The following CDH13 variants were observed in gnomAD, a reference collection of about 807,000 sequenced individuals.
CDH13 encodes the protein cadherin 13.
CDH13 carries 24 observed loss-of-function variants against 63.8 expected under a neutral mutation model. The ratio of observed to expected loss-of-function variants is 0.38; its 90% CI spans 0.27 to 0.53. CDH13 has a LOEUF of 0.53. CDH13 is among the 20% of genes least tolerant of loss of function. CDH13 has a pLI of 0.85. For missense variants in CDH13, 1,049 were observed against 903.1 expected (o/e 1.16, Z -2.07); for synonymous variants, 503 against 355.3 (o/e 1.42, Z -4.67).
In CDH13 at chr16:83,047,304, C is replaced by T. The variant is rs776185658; in HGVS notation, c.366+15086C>T. Among the ~76,000 whole-genome samples the T allele has an allele frequency of 9.9e-5, 15 of 152,132 alleles. No homozygotes were observed. Among genetic ancestry groups the T allele is most frequent in the African/African-American group, 3.4e-4 (14 of 41,416 alleles). The stretch of plus-strand genomic sequence containing the variant: ...GAATTTAAGTCATCTAATCAAAATG[C>T]ATTATTTCTGTCCTTGCATTGTCCA... On this transcript the variant is annotated intron_variant, in intron 3 of 13. Transcript: ENST00000567109. The surrounding 1 kb of genome is among the most constrained non-coding windows in gnomAD (Gnocchi z 4.9).
At chr16:82,877,246 T>C (rs779130972) in intron 2 of CDH13, among the ~76,000 whole-genome samples, 5 of 152,206 alleles carry the variant, frequency 3.3e-5, no homozygotes, top group Non-Finnish European at 7.3e-5. Flanking sequence ...TTTACTGAAA[T>C]AAGTCTGACA....
At chr16:82,848,878 G>T (rs2039371435) in intron 1 of CDH13, among the ~76,000 whole-genome samples, 1 of 152,178 alleles carries the variant, frequency 6.6e-6, no homozygotes, top group Non-Finnish European at 1.5e-5. Context: ...GCTGAGGTAG[G>T]CTGAAAGCTA....
chr16:82,898,729 G>A (rs987367900), intron 2 of CDH13, among the ~76,000 whole-genome samples: 1 of 152,142 alleles, frequency 6.6e-6, no homozygotes, highest in African/African-American at 2.4e-5. Flanking sequence ...GATGAAGCAG[G>A]GAATGGTCTT....
At chr16:83,506,537 A>G (rs1173286215) in intron 7 of CDH13, among the ~76,000 whole-genome samples, 1 of 152,182 alleles carries the variant, frequency 6.6e-6, no homozygotes, top group Non-Finnish European at 1.5e-5. Context: ...TCTTCCCTCA[A>G]AGATAATGCA....
At chr16:83,552,145 C>T (rs192028015) in intron 7 of CDH13, among the ~76,000 whole-genome samples, 1 of 152,286 alleles carries the variant, frequency 6.6e-6, no homozygotes, top group Admixed American at 6.5e-5. Context: ...GCCCTTTGTC[C>T]TCAGACAGTG....
chr16:82,637,373 G>T (rs1010423983), intron 1 of CDH13, among the ~76,000 whole-genome samples: 14 of 149,716 alleles, frequency 9.4e-5, no homozygotes, highest in Non-Finnish European at 1.8e-4. Context: ...CTGTATGCCA[G>T]GCACTCACCT....
At chr16:83,615,955 C>A (rs185316468) in intron 8 of CDH13, among the ~76,000 whole-genome samples, 117 of 152,250 alleles carry the variant, frequency 7.7e-4, no homozygotes, top group Middle Eastern at 3.4e-3. Context: ...TAGGAAGACA[C>A]GAAATCATCA....
At chr16:83,472,600 G>A (rs536995500) in intron 6 of CDH13, among the ~76,000 whole-genome samples, 2 of 152,308 alleles carry the variant, frequency 1.3e-5, no homozygotes, top group Admixed American at 6.5e-5. Context: ...TGGCCCTTGG[G>A]GTGTGGGGAG....
rs529589092 is a variant in CDH13, at chr16:82,912,762, T to C, written c.157+54289T>C. On this transcript the variant is annotated intron_variant, in intron 2 of 13. Transcript: ENST00000567109. Reference sequence around the variant, plus strand: ...ATCGAAACCATCCTGGCTAATACGGTGAAACCCCGTCTCTACTAAAAATAC... The same window carrying C: ...ATCGAAACCATCCTGGCTAATACGGCGAAACCCCGTCTCTACTAAAAATAC... Among the ~76,000 whole-genome samples the C allele has an allele frequency of 7.2e-5, 11 of 152,084 alleles. No individual in the cohort carries two copies. The South Asian group carries it at 1.2e-3, about 17-fold the overall frequency.
chr16:82,750,036 C>G (rs2034344469), intron 1 of CDH13, among the ~76,000 whole-genome samples: 2 of 152,150 alleles, frequency 1.3e-5, no homozygotes, highest in African/African-American at 4.8e-5. Context: ...CCCCATAACC[C>G]TTTAAAGTCA....
chr16:82,937,996 G>C (rs1232950030), intron 2 of CDH13, among the ~76,000 whole-genome samples: 1 of 152,110 alleles, frequency 6.6e-6, no homozygotes, highest in East Asian at 1.9e-4. Context: ...TGTAACAATG[G>C]AATTGTGTTA....
intron 1 of CDH13, among the ~76,000 whole-genome samples, chr16:82,739,936 A>G (rs1597447446): frequency 1.3e-5 from 2 of 152,242 alleles, no homozygotes; most frequent in Admixed American, 6.5e-5. Context: ...TGTCAAACAC[A>G]TAGATTCTAC....
intron 10 of CDH13, among the ~76,000 whole-genome samples, chr16:83,747,611 C>T (rs565017001): frequency 3.3e-5 from 5 of 151,646 alleles, no homozygotes; most frequent in African/African-American, 9.7e-5. Flanking sequence ...TGATGACATC[C>T]TATCTATTCC....
rs78082732 is a variant in CDH13 at position 83,416,487 on chromosome 16, C to T, written c.782-69990C>T. On this transcript the variant is annotated intron_variant, in intron 6 of 13. Transcript: ENST00000567109. ...TTTCTGGGTCTTATCTCTTCTTGTGCCTCTCATGTTTAAGTATCTCCCAAT... is the reference window on the plus strand; with the variant it reads ...TTTCTGGGTCTTATCTCTTCTTGTGTCTCTCATGTTTAAGTATCTCCCAAT... 1.8e-3 allele frequency among the ~76,000 whole-genome samples: 275 copies of T among 152,248 alleles called. 5 individuals carry two copies. The East Asian group carries it at 0.047, about 26-fold the overall frequency.
intron 2 of CDH13, among the ~76,000 whole-genome samples, chr16:83,027,673 C>T (rs920644946): frequency 2.6e-5 from 4 of 152,128 alleles, no homozygotes; most frequent in African/African-American, 4.8e-5. Context: ...CAGGAGAATC[C>T]AAGGCTTCCT....
At chr16:83,432,152 T>C (rs938306273) in intron 6 of CDH13, among the ~76,000 whole-genome samples, 5 of 152,148 alleles carry the variant, frequency 3.3e-5, no homozygotes, top group Middle Eastern at 3.2e-3. Flanking sequence ...ATATTGCCAG[T>C]TGCACAGCTG....
intron 8 of CDH13, among the ~76,000 whole-genome samples, chr16:83,649,355 C>T (rs182952091): frequency 1.1e-3 from 165 of 152,320 alleles, no homozygotes; most frequent in Non-Finnish European, 2.8e-4. Context: ...TCCCTACCTT[C>T]ATTGCATTTT....
At chr16:83,756,113 T>C (rs1013835993) in intron 11 of CDH13, among the ~76,000 whole-genome samples, 5 of 151,972 alleles carry the variant, frequency 3.3e-5, no homozygotes, top group Admixed American at 3.3e-4. Flanking sequence ...ACTAAAAGAA[T>C]ATAAAAGAAA....
intron 2 of CDH13, among the ~76,000 whole-genome samples, chr16:83,010,053 T>C (rs1913962684): frequency 6.9e-6 from 1 of 144,176 alleles, no homozygotes. Context: ...GAGAATCACT[T>C]CAACCCAGGA....
Sources: gnomAD v4.1 joint callset for allele counts (sites outside exome capture counted in the v4.1 genomes callset) on GRCh38, gnomAD v4.1.1 for gene constraint, Gnocchi (gnomAD v3.1) non-coding constraint, MANE v1.5 for transcripts, NCBI Gene and HGNC (gene_info 2026-07-23, HGNC 2026-07-21) for gene names.